CAMK2A: variants seen among roughly 807,000 people sequenced by gnomAD.
The protein encoded by CAMK2A is calcium/calmodulin dependent protein kinase II alpha.
In CAMK2A, 7 loss-of-function variants were observed where a neutral mutation model predicts 79.2. The observed-to-expected ratio is 0.09, with a 90% CI of 0.05 to 0.17. The LOEUF (loss-of-function observed/expected upper bound fraction) is 0.17, where lower values mean the gene tolerates loss of function less well. Among genes scored for constraint, CAMK2A ranks in the 10% least tolerant of loss-of-function variants. The pLI is 1.00. For missense variants in CAMK2A, 214 were observed against 646.4 expected (o/e 0.33, Z 7.25); for synonymous variants, 242 against 251.7 (o/e 0.96, Z 0.36).
Position 150,221,611 on chromosome 5 carries a change from C to T in CAMK2A, c.*1099G>A. 2.5e-6 allele frequency: 1 copy of T among 398,690 alleles called. No homozygotes were observed. Among genetic ancestry groups the T allele is most frequent in the Non-Finnish European group, 4.4e-6 (1 of 226,046 alleles). 24.7% of individuals were successfully genotyped at this position (398,690 alleles called of 1,614,324 possible). On this transcript the variant is annotated 3_prime_UTR_variant, in exon 19 of 19. Coordinates refer to ENST00000671881, the MANE Select transcript of CAMK2A (RefSeq NM_015981.4). ...GCTGTTCCTGAGTCAGTGCTGGCAT[C>T]TGATGCTTCCACAGTCCCAAAAGGA... is the stretch of plus-strand genomic sequence containing the variant.
At chr5:150,225,630 C>G (rs987278533) in intron 17 of CAMK2A, among the ~76,000 whole-genome samples, 6 of 152,124 alleles carry the variant, frequency 3.9e-5, no homozygotes, top group Non-Finnish European at 8.8e-5. Flanking sequence ...GACCAGTGCC[C>G]CCAGAGGACA....
chr5:150,224,000 C>T lies in CAMK2A; in HGVS notation c.1238-783G>A, dbSNP rs1754477696. Among the ~76,000 whole-genome samples the T allele has an allele frequency of 6.6e-6, 1 of 152,048 alleles. No homozygotes were observed. Among genetic ancestry groups the T allele is most frequent in the African/African-American group, 2.4e-5 (1 of 41,382 alleles). ...TGGAGGAATATGAAAATTGTAGAAT[C>T]TTAGAACCTTGAAATGATAAGGATG... On this transcript the variant is annotated intron_variant, in intron 17 of 18. Coordinates refer to ENST00000671881, the MANE Select transcript of CAMK2A (RefSeq NM_015981.4). This position sits in a 1 kb window ranked among gnomAD's most constrained non-coding sequence, Gnocchi z 4.1.
intron 15 of CAMK2A, among the ~76,000 whole-genome samples, chr5:150,237,262 A>G (rs1484945916): frequency 6.6e-6 from 1 of 152,134 alleles, no homozygotes; most frequent in Non-Finnish European, 1.5e-5. Flanking sequence ...AATGTTTCCT[A>G]CGTAATACAA....
At chr5:150,261,407 T>C (rs1026536207) in intron 3 of CAMK2A, among the ~76,000 whole-genome samples, 14 of 152,200 alleles carry the variant, frequency 9.2e-5, no homozygotes, top group Admixed American at 3.9e-4. Flanking sequence ...GAGCCCAAGA[T>C]TCAAGGGCCA....
At chr5:150,245,123 C>T (rs770291220) in intron 13 of CAMK2A, 38 bp downstream of exon 13, 1 of 1,607,232 alleles carries the variant, frequency 6.2e-7, no homozygotes, top group Non-Finnish European at 8.5e-7. Context: ...AGAAACGCTG[C>T]CAGAGCCAAG....
intron 1 of CAMK2A, among the ~76,000 whole-genome samples, chr5:150,280,762 T>A (rs1314299576): frequency 1.3e-5 from 2 of 151,970 alleles, no homozygotes; most frequent in Admixed American, 6.6e-5. Flanking sequence ...TGTTTCTGGG[T>A]CGCCGTGCTC....
At chr5:150,247,695 C>T in intron 12 of CAMK2A, 77 bp downstream of exon 12, 7 of 1,259,496 alleles carry the variant, frequency 5.6e-6, no homozygotes, top group Middle Eastern at 2.4e-4. Flanking sequence ...CCTGGGGGCA[C>T]TCCAATATCT....
intron 11 of CAMK2A, among the ~76,000 whole-genome samples, chr5:150,248,416 A>T (rs1301407445): frequency 7.3e-5 from 11 of 151,094 alleles, no homozygotes; most frequent in Non-Finnish European, 1.6e-4. Context: ...TACATGTGCC[A>T]CGTTGGTGTG....
In CAMK2A at chr5:150,221,114, A is replaced by C. The variant is rs1225116242; in HGVS notation, c.*1596T>G. 4.6e-6 allele frequency: 1 copy of C among 216,456 alleles called. No homozygotes were observed. The highest frequency in any genetic ancestry group is 9.0e-6 in the Non-Finnish European group (1 of 110,894). The allele number at this position is 216,456 out of a possible 1,614,324, so 13.4% of individuals were successfully genotyped here. ...ATTCCGAGTCGGACACTGAGAATAC[A>C]ACCTCTATTTTTTTTTTTAGTCCAA... On this transcript the variant is annotated 3_prime_UTR_variant, in exon 19 of 19. Coordinates refer to ENST00000671881, the MANE Select transcript of CAMK2A (RefSeq NM_015981.4).
At chr5:150,236,293 A>G (rs769396660) in intron 15 of CAMK2A, among the ~76,000 whole-genome samples, 1 of 152,182 alleles carries the variant, frequency 6.6e-6, no homozygotes, top group Non-Finnish European at 1.5e-5. Flanking sequence ...TAACATTTAA[A>G]TTTGTCTTAA....
intron 12 of CAMK2A, 172 bp from the exon 13 acceptor site, chr5:150,245,373 C>T: frequency 1.6e-6 from 1 of 622,698 alleles, no homozygotes; most frequent in Non-Finnish European, 2.8e-6. Context: ...CCTCCTCCTC[C>T]TCCCTCCTTG....
chr5:150,238,120 A>T (rs2114039127), intron 15 of CAMK2A, among the ~76,000 whole-genome samples: 1 of 152,344 alleles, frequency 6.6e-6, no homozygotes, highest in Middle Eastern at 3.4e-3. Context: ...AACATGTTAA[A>T]TTTTTCTCTA....
chr5:150,245,288 C>T lies in CAMK2A; in HGVS notation c.944-87G>A, dbSNP rs1043429549. The T allele has an allele frequency of 9.9e-6, 13 of 1,312,530 alleles. No individual in the cohort carries two copies. In the East Asian group the frequency reaches 2.8e-4, roughly 28 times the overall value. The allele number at this position is 1,312,530 out of a possible 1,614,324, so 81.3% of individuals were successfully genotyped here. A position where few individuals can be genotyped will look rare whatever the true frequency, so the allele number is the denominator to read the frequency against. On this transcript the variant is annotated intron_variant, in intron 12 of 18. Transcript: ENST00000671881. ...GAGGACGAGCAGCATCCACACGCAG[C>T]CGGAGGGCAGACTGCAGGGAGCAGA...
chr5:150,243,616 A>C (rs1487044140), intron 13 of CAMK2A, among the ~76,000 whole-genome samples: 2 of 152,226 alleles, frequency 1.3e-5, no homozygotes, highest in African/African-American at 4.8e-5. Flanking sequence ...CTTGGTTTTC[A>C]AGAGAAATTT....
At chr5:150,241,543 C>T (rs543955453) in intron 13 of CAMK2A, among the ~76,000 whole-genome samples, 2 of 143,428 alleles carry the variant, frequency 1.4e-5, no homozygotes, top group East Asian at 2.1e-4. Flanking sequence ...CTTCTTTCCC[C>T]TCCTCTTCCC....
chr5:150,242,662 C>T (rs1289693166), intron 13 of CAMK2A, among the ~76,000 whole-genome samples: 2 of 152,174 alleles, frequency 1.3e-5, no homozygotes, highest in African/African-American at 2.4e-5. Context: ...GCAACAGAAT[C>T]GCTGGCCTGG....
At chr5:150,237,197 C>A (rs1024823178) in intron 15 of CAMK2A, among the ~76,000 whole-genome samples, 1 of 152,156 alleles carries the variant, frequency 6.6e-6, no homozygotes, top group Non-Finnish European at 1.5e-5. Context: ...CAGGAGGCAG[C>A]CTTGGTATGT....
Position 150,284,948 on chromosome 5 carries a change from G to T in CAMK2A, c.62+4616C>A, listed in dbSNP as rs1757363546. On this transcript the variant is annotated intron_variant, in intron 1 of 18. Coordinates refer to ENST00000671881, the MANE Select transcript of CAMK2A (RefSeq NM_015981.4). This position sits in a 1 kb window ranked among gnomAD's most constrained non-coding sequence, Gnocchi z 5.3. ...TGGCATCTCTAATGGGGCATTGCAG[G>T]CATCTCCAGAGGTATTATGATCCCC... Among the ~76,000 whole-genome samples, 1 of 144,478 alleles carries T rather than the reference G, an allele frequency of 6.9e-6. No homozygotes were observed. The highest frequency in any genetic ancestry group is 2.7e-5 in the African/African-American group (1 of 36,400). The allele number at this position is 144,478 out of a possible 152,430, so 94.8% of individuals were successfully genotyped here. A position where few individuals can be genotyped will look rare whatever the true frequency, so the allele number is the denominator to read the frequency against.
chr5:150,279,591 A>G (rs1486390808), intron 1 of CAMK2A, among the ~76,000 whole-genome samples: 1 of 152,188 alleles, frequency 6.6e-6, no homozygotes, highest in Non-Finnish European at 1.5e-5. Context: ...ATCATCAGAA[A>G]CAAAATGGAC....
Sources: gnomAD v4.1 joint callset for allele counts (sites outside exome capture counted in the v4.1 genomes callset) on GRCh38, gnomAD v4.1.1 for gene constraint, Gnocchi (gnomAD v3.1) non-coding constraint, MANE v1.5 for transcripts, NCBI Gene and HGNC (gene_info 2026-07-23, HGNC 2026-07-21) for gene names.